The following SLC25A26 variants were observed in gnomAD, a reference collection of about 807,000 sequenced individuals.
SLC25A26 encodes solute carrier family 25 member 26, also known as mitochondrial S-adenosylmethionine carrier protein.
Under a neutral mutation model 37.8 loss-of-function variants are expected in SLC25A26, and 36 were observed. That is an observed-to-expected ratio of 0.95 (90% CI 0.73 to 1.26). The LOEUF is 1.26. Among genes scored for constraint, SLC25A26 ranks in the 50% most tolerant of loss-of-function variants. SLC25A26 has a pLI of 0.00. For missense variants in SLC25A26, 390 were observed against 331.1 expected, an observed-to-expected ratio of 1.18 and a Z score of -1.38; for synonymous variants, 129 against 122.5, an observed-to-expected ratio of 1.05 and a Z score of -0.35.
At chr3:66,268,155 C>T (rs546490788) in intron 5 of SLC25A26, among the ~76,000 whole-genome samples, 131 of 152,332 alleles carry the variant, frequency 8.6e-4, no homozygotes, top group Non-Finnish European at 1.3e-3. Flanking sequence ...ATTGTATAAA[C>T]AAACCATTGT....
intron 5 of SLC25A26, among the ~76,000 whole-genome samples, chr3:66,309,726 A>G (rs529851217): frequency 1.2e-4 from 19 of 152,250 alleles, no homozygotes; most frequent in African/African-American, 4.6e-4. Flanking sequence ...TTGGTTTCGA[A>G]GAGCTTATTT....
At position 66,284,080 on chromosome 3, in the gene SLC25A26, C is replaced by CT. The variant is rs200954705; in HGVS notation, c.453+20702dup. On this transcript the variant is annotated intron_variant, in intron 5 of 9. Coordinates refer to ENST00000354883, the MANE Select transcript of SLC25A26 (RefSeq NM_001379210.1). ...TTTCGGGATAGACTGGGCATGGTGG[C>CT]TCATGCCTGTTATCCCAGCACTTTG... 7.9e-5 allele frequency among the ~76,000 whole-genome samples: 12 copies of CT among 152,312 alleles called. No individual in the cohort carries two copies. The East Asian group carries it at 2.3e-3, about 29-fold the overall frequency.
At chr3:66,338,948 T>A (rs1326289559) in intron 5 of SLC25A26, among the ~76,000 whole-genome samples, 1 of 152,090 alleles carries the variant, frequency 6.6e-6, no homozygotes, top group African/African-American at 2.4e-5. Context: ...CATCCCGTTG[T>A]ATGTATATAC....
At chr3:66,272,040 T>C (rs1321414382) in intron 5 of SLC25A26, among the ~76,000 whole-genome samples, 4 of 152,202 alleles carry the variant, frequency 2.6e-5, no homozygotes, top group African/African-American at 7.2e-5. Context: ...CTTCTTATAT[T>C]GATATATTCA....
At chr3:66,233,935 G>A (rs889443049) in intron 1 of SLC25A26, among the ~76,000 whole-genome samples, 3 of 152,140 alleles carry the variant, frequency 2.0e-5, no homozygotes, top group South Asian at 4.1e-4. Flanking sequence ...GCAGTAGATA[G>A]CACTTCTCTG....
chr3:66,332,211 T>C (rs2075992300), intron 5 of SLC25A26, among the ~76,000 whole-genome samples: 1 of 152,140 alleles, frequency 6.6e-6, no homozygotes, highest in Non-Finnish European at 1.5e-5. Context: ...GTGCTGAGAT[T>C]ACAGGCGTGA....
intron 5 of SLC25A26, among the ~76,000 whole-genome samples, chr3:66,283,026 C>T (rs908236840): frequency 1.3e-5 from 2 of 152,162 alleles, no homozygotes; most frequent in African/African-American, 4.8e-5. Flanking sequence ...TCAATAGTTT[C>T]TTCCTTTTTA....
At chr3:66,161,624 A>G (rs1307842686) in intron 1 of SLC25A26, among the ~76,000 whole-genome samples, 2 of 152,180 alleles carry the variant, frequency 1.3e-5, no homozygotes, top group African/African-American at 2.4e-5. Context: ...TGCGACTCCA[A>G]ATTCATGTCT....
intron 5 of SLC25A26, among the ~76,000 whole-genome samples, chr3:66,277,480 G>T (rs2074194619): frequency 6.6e-6 from 1 of 152,002 alleles, no homozygotes. Context: ...CAAATTGTCA[G>T]TTATAGGATC....
chr3:66,150,596 G>C (rs1226738793), intron 1 of SLC25A26, among the ~76,000 whole-genome samples: 1 of 42,120 alleles, frequency 2.4e-5, no homozygotes, highest in African/African-American at 8.3e-5. Context: ...ATATATATAT[G>C]TAATGAGATA....
chr3:66,209,331 ATG>A (rs1209047380), intron 1 of SLC25A26, among the ~76,000 whole-genome samples: 1 of 139,764 alleles, frequency 7.2e-6, no homozygotes, highest in African/African-American at 2.6e-5. Flanking sequence ...ATCTATATGT[ATG>A]TATATATACA....
At position 66,271,035 on chromosome 3, in the gene SLC25A26, A is replaced by G. The variant is rs185393436; in HGVS notation, c.453+7656A>G. Among the ~76,000 whole-genome samples the G allele has an allele frequency of 1.1e-3, 169 of 152,308 alleles. 1 individual carries two copies. Among genetic ancestry groups the G allele is most frequent in the African/African-American group, 3.7e-3 (154 of 41,588 alleles). ...ATGGTTTATGGGATGTAAATGCAATAATATGATGCTTCACTGTAAACACAT... is the reference window on the plus strand; with the variant it reads ...ATGGTTTATGGGATGTAAATGCAATGATATGATGCTTCACTGTAAACACAT... On this transcript the variant is annotated intron_variant, in intron 5 of 9. Coordinates refer to ENST00000354883, the MANE Select transcript of SLC25A26 (RefSeq NM_001379210.1).
chr3:66,241,765 G>A (rs2072595681), intron 2 of SLC25A26, among the ~76,000 whole-genome samples: 1 of 152,138 alleles, frequency 6.6e-6, no homozygotes, highest in Non-Finnish European at 1.5e-5. Context: ...TTGATCATCA[G>A]TGGATGTGGA....
chr3:66,317,169 TGGA>T (rs150936870), intron 5 of SLC25A26, among the ~76,000 whole-genome samples: 1,983 of 152,342 alleles, frequency 0.013, 45 homozygotes, highest in African/African-American at 0.044. Flanking sequence ...TGTGATTATT[TGGA>T]GGAGAAGAGG....
At chr3:66,139,998 A>G (rs1280646514) in intron 1 of SLC25A26, among the ~76,000 whole-genome samples, 1 of 152,244 alleles carries the variant, frequency 6.6e-6, no homozygotes, top group Non-Finnish European at 1.5e-5. Flanking sequence ...GTTTAAGCAC[A>G]TCAAGAAAGG....
chr3:66,260,110 G>T (rs1413384948), intron 3 of SLC25A26, among the ~76,000 whole-genome samples: 1 of 152,010 alleles, frequency 6.6e-6, no homozygotes, highest in African/African-American at 2.4e-5. Flanking sequence ...TTCTATAATG[G>T]TGTAATCTTG....
chr3:66,349,376 T>C (rs2076398655), intron 6 of SLC25A26, among the ~76,000 whole-genome samples: 1 of 152,224 alleles, frequency 6.6e-6, no homozygotes, highest in Non-Finnish European at 1.5e-5. Context: ...GTCAGTGCCC[T>C]TTCTGTACCC....
At chr3:66,347,219 A>G (rs2076347272) in intron 6 of SLC25A26, among the ~76,000 whole-genome samples, 1 of 152,192 alleles carries the variant, frequency 6.6e-6, no homozygotes, top group Non-Finnish European at 1.5e-5. Context: ...TTTGCAACCT[A>G]TTCATCTGAC....
intron 5 of SLC25A26, among the ~76,000 whole-genome samples, chr3:66,343,939 ACT>A (rs886680683): frequency 2.0e-5 from 3 of 152,016 alleles, no homozygotes; most frequent in Non-Finnish European, 4.4e-5. Flanking sequence ...ACAATAAAAA[ACT>A]CTATTTAACT....
Sources: allele counts gnomAD v4.1 joint callset (sites outside exome capture counted in the v4.1 genomes callset), GRCh38; gene constraint gnomAD v4.1.1; transcripts MANE v1.5; gene names NCBI Gene and HGNC (gene_info 2026-07-23, HGNC 2026-07-21).